The following NFYC variants were observed in gnomAD, a reference collection of about 807,000 sequenced individuals.
NFYC encodes the protein CAAT box DNA-binding protein subunit C.
A neutral mutation model predicts 53.1 loss-of-function variants in NFYC; 25 were observed. The ratio of observed to expected loss-of-function variants is 0.47; its 90% CI spans 0.34 to 0.66. The LOEUF (loss-of-function observed/expected upper bound fraction) is 0.66, where lower values mean the gene tolerates loss of function less well. NFYC is among the 30% of genes least tolerant of loss of function. The pLI is 0.01. For synonymous variants in NFYC, 145 were observed against 152.6 expected (o/e 0.95, Z 0.37); for missense variants, 260 against 422.7 (o/e 0.62, Z 3.38).
chr1:40,702,204 G>A (rs1237338933), intron 1 of NFYC, among the ~76,000 whole-genome samples: 1 of 152,044 alleles, frequency 6.6e-6, no homozygotes, highest in Non-Finnish European at 1.5e-5. Flanking sequence ...ATCTCCTTAA[G>A]GTCCATTTAT....
At chr1:40,769,555 G>C (rs1274395161) in intron 9 of NFYC, 140 bp downstream of exon 9, 4 of 714,402 alleles carry the variant, frequency 5.6e-6, no homozygotes, top group Non-Finnish European at 1.0e-5. Context: ...AAACAAGTAC[G>C]GTATTTAAAT....
intron 2 of NFYC, among the ~76,000 whole-genome samples, chr1:40,746,196 A>C (rs925889540): frequency 6.6e-6 from 1 of 152,208 alleles, no homozygotes; most frequent in Admixed American, 6.5e-5. Flanking sequence ...GTTTTAGTAG[A>C]GGGTTCATGG....
chr1:40,752,280 C>T (rs1039719165), intron 4 of NFYC, among the ~76,000 whole-genome samples: 1 of 152,198 alleles, frequency 6.6e-6, no homozygotes, highest in Admixed American at 6.5e-5. Context: ...GTAAAGTTTA[C>T]TTTGCCCAAA....
At chr1:40,764,566 C>T (rs948240052) in intron 7 of NFYC, among the ~76,000 whole-genome samples, 1 of 152,192 alleles carries the variant, frequency 6.6e-6, no homozygotes, top group Non-Finnish European at 1.5e-5. Context: ...CTTGCAGATA[C>T]TTTAACTCTC....
At chr1:40,695,410 C>T (rs1241193544) in intron 1 of NFYC, among the ~76,000 whole-genome samples, 1 of 152,036 alleles carries the variant, frequency 6.6e-6, no homozygotes, top group Admixed American at 6.6e-5. Flanking sequence ...TGCTGGGAGT[C>T]TTGTTTTGGG....
At chr1:40,737,333 CTT>C (rs112649877) in intron 1 of NFYC, among the ~76,000 whole-genome samples, 4 of 142,688 alleles carry the variant, frequency 2.8e-5, no homozygotes. Flanking sequence ...TTTAATTCTA[CTT>C]TTTTTTTTTT....
At chr1:40,762,459 A>G (rs755828409) in intron 6 of NFYC, among the ~76,000 whole-genome samples, 4 of 152,198 alleles carry the variant, frequency 2.6e-5, no homozygotes, top group Admixed American at 2.0e-4. Context: ...ACCCTGAACT[A>G]AATAAATTCA....
intron 1 of NFYC, among the ~76,000 whole-genome samples, chr1:40,715,395 C>A (rs1400629161): frequency 6.0e-5 from 9 of 150,760 alleles, no homozygotes; most frequent in Non-Finnish European, 1.2e-4. Flanking sequence ...GAAAAAAAAA[C>A]AAAAAACAAA....
chr1:40,692,382 A>T (rs1457288287), intron 1 of NFYC: 1 of 152,072 alleles, frequency 6.6e-6, no homozygotes, highest in Non-Finnish European at 1.5e-5. Flanking sequence ...TGGCCTGGGA[A>T]TGGGGGACAC....
At chr1:40,721,938 A>G (rs1194073138) in intron 1 of NFYC, among the ~76,000 whole-genome samples, 1 of 152,082 alleles carries the variant, frequency 6.6e-6, no homozygotes, top group Non-Finnish European at 1.5e-5. Context: ...TGGGAGGCCA[A>G]GGTGGGCGGA....
At chr1:40,729,633 G>A (rs1239287901) in intron 1 of NFYC, among the ~76,000 whole-genome samples, 1 of 151,160 alleles carries the variant, frequency 6.6e-6, no homozygotes, top group East Asian at 1.9e-4. Flanking sequence ...TCACAGCTTG[G>A]GTAAGTGTTT....
chr1:40,722,952 T>G (rs901222357), intron 1 of NFYC, among the ~76,000 whole-genome samples: 9 of 152,158 alleles, frequency 5.9e-5, no homozygotes, highest in Non-Finnish European at 1.5e-5. Flanking sequence ...AAGAGCAAGT[T>G]ATAATAAATC....
At chr1:40,697,042 A>C (rs1215623374) in intron 1 of NFYC, among the ~76,000 whole-genome samples, 1 of 152,232 alleles carries the variant, frequency 6.6e-6, no homozygotes, top group Non-Finnish European at 1.5e-5. Context: ...AGTCAGACCA[A>C]GGGAAGAGTT....
intron 2 of NFYC, among the ~76,000 whole-genome samples, chr1:40,743,630 G>A (rs1449048070): frequency 6.6e-6 from 1 of 152,070 alleles, no homozygotes; most frequent in African/African-American, 2.4e-5. Context: ...CTCCTGATTG[G>A]GTGATGACAT....
chr1:40,745,838 CA>C (rs1645579620), intron 2 of NFYC, among the ~76,000 whole-genome samples: 1 of 152,128 alleles, frequency 6.6e-6, no homozygotes, highest in Non-Finnish European at 1.5e-5. Flanking sequence ...TGACAAACCA[CA>C]AGCTCTTCAA....
At chr1:40,764,250 C>G (rs1436840996) in intron 7 of NFYC, among the ~76,000 whole-genome samples, 1 of 152,184 alleles carries the variant, frequency 6.6e-6, no homozygotes, top group Non-Finnish European at 1.5e-5. Context: ...TAGAAACTCA[C>G]GTAGACTTGG....
intron 1 of NFYC, among the ~76,000 whole-genome samples, chr1:40,697,547 T>A (rs1462008870): frequency 1.3e-4 from 20 of 152,222 alleles, no homozygotes; most frequent in Admixed American, 1.3e-3. Context: ...GATGAAAACT[T>A]CTTCATATTT....
In NFYC at chr1:40,720,145, T is replaced by C. The variant is rs189182977; in HGVS notation, c.-8-18691T>C. Among the ~76,000 whole-genome samples, 89 of 152,324 alleles carry C rather than the reference T, an allele frequency of 5.8e-4. 2 individuals carry two copies. The East Asian group carries it at 0.011, about 18-fold the overall frequency. On this transcript the variant is annotated intron_variant, in intron 1 of 9. Transcript: ENST00000447388. Reference sequence around the variant, plus strand: ...TGTCTCATTTCATGTCGTTTTCCTTTCTTTCTTCTCCTCTTTTAAACATTT... The same window carrying C: ...TGTCTCATTTCATGTCGTTTTCCTTCCTTTCTTCTCCTCTTTTAAACATTT...
At chr1:40,732,667 A>G (rs903025886) in intron 1 of NFYC, among the ~76,000 whole-genome samples, 4 of 152,182 alleles carry the variant, frequency 2.6e-5, no homozygotes, top group African/African-American at 9.7e-5. Flanking sequence ...ATTGTCATTA[A>G]TATTTCAGAC....
Sources: allele counts gnomAD v4.1 joint callset (sites outside exome capture counted in the v4.1 genomes callset), GRCh38; gene constraint gnomAD v4.1.1; transcripts MANE v1.5; gene names NCBI Gene and HGNC (gene_info 2026-07-23, HGNC 2026-07-21).